Variants in KCNG2 observed in about 807,000 individuals in gnomAD.
KCNG2 encodes potassium voltage-gated channel modifier subfamily G member 2.
KCNG2 carries 7 observed loss-of-function variants against 12.3 expected under a neutral mutation model. The ratio of observed to expected loss-of-function variants is 0.57; its 90% confidence interval spans 0.32 to 1.07. The LOEUF is 1.07. Among genes scored for constraint, KCNG2 ranks in the 50% least tolerant of loss-of-function variants. KCNG2 has a pLI of 0.04. For missense variants in KCNG2, 703 were observed against 726.0 expected (o/e 0.97, Z 0.36); for synonymous variants, 414 against 351.4 (o/e 1.18, Z -1.99).
chr18:79,865,285 GGTC>G (rs1979434650), intron 3 of KCNG2, among the ~76,000 whole-genome samples: 1 of 136,602 alleles, frequency 7.3e-6, no homozygotes, highest in Admixed American at 7.4e-5. Context: ...TGTGCTGAGA[GGTC>G]TGTGTGCTGA....
At chr18:79,862,241 A>T (rs1169162124) in intron 2 of KCNG2, among the ~76,000 whole-genome samples, 2 of 151,022 alleles carry the variant, frequency 1.3e-5, no homozygotes, top group South Asian at 2.1e-4. Flanking sequence ...TGGAAATCAG[A>T]CTCTCCCCTC....
intron 1 of KCNG2, among the ~76,000 whole-genome samples, chr18:79,828,608 T>C (rs1978288101): frequency 6.6e-6 from 1 of 151,806 alleles, no homozygotes. Flanking sequence ...TGTGGATGTG[T>C]GTAACGTGTC....
intron 1 of KCNG2, among the ~76,000 whole-genome samples, chr18:79,804,017 G>A (rs560649468): frequency 3.3e-5 from 5 of 152,190 alleles, no homozygotes; most frequent in African/African-American, 9.7e-5. Context: ...TGGGGATCTT[G>A]TTCCTTATAA....
chr18:79,882,035 T>G (rs1980316931), intron 3 of KCNG2, among the ~76,000 whole-genome samples: 1 of 150,988 alleles, frequency 6.6e-6, no homozygotes, highest in Non-Finnish European at 1.5e-5. Flanking sequence ...GCCTTACGTT[T>G]TATACAAAAA....
At chr18:79,833,636 A>T (rs1213854221) in intron 1 of KCNG2, among the ~76,000 whole-genome samples, 1 of 152,274 alleles carries the variant, frequency 6.6e-6, no homozygotes, top group East Asian at 1.9e-4. Context: ...TTCAAAGAAC[A>T]AACCTTTGCT....
At chr18:79,828,289 G>A (rs554721042) in intron 1 of KCNG2, among the ~76,000 whole-genome samples, 72 of 152,370 alleles carry the variant, frequency 4.7e-4, no homozygotes, top group African/African-American at 1.6e-3. Context: ...ACATGCGTGC[G>A]TGTGCATGTG....
chr18:79,893,226 C>T (rs1980812511), intron 3 of KCNG2, among the ~76,000 whole-genome samples: 1 of 150,796 alleles, frequency 6.6e-6, no homozygotes, highest in Admixed American at 6.6e-5. Flanking sequence ...TCTAATGGTA[C>T]GATTGATATA....
chr18:79,850,227 C>T (rs1251129655), intron 1 of KCNG2, among the ~76,000 whole-genome samples: 2 of 152,336 alleles, frequency 1.3e-5, no homozygotes, highest in South Asian at 4.1e-4. Flanking sequence ...ACTCATACAG[C>T]CGAAGCCCCT....
intron 1 of KCNG2, among the ~76,000 whole-genome samples, chr18:79,818,682 AT>A (rs925704749): frequency 2.6e-5 from 4 of 152,146 alleles, no homozygotes; most frequent in African/African-American, 9.7e-5. Context: ...TGGTCTGAAG[AT>A]TTAGGATTAA....
At chr18:79,855,588 C>T (rs1464066260) in intron 1 of KCNG2, among the ~76,000 whole-genome samples, 1 of 152,000 alleles carries the variant, frequency 6.6e-6, no homozygotes, top group Admixed American at 6.6e-5. Context: ...ATGCTAGGCT[C>T]GTAGACACAC....
chr18:79,879,388 G>C lies in KCNG2; in HGVS notation c.624+15097G>C, dbSNP rs539591044. Among the ~76,000 whole-genome samples the C allele has an allele frequency of 3.3e-4, 51 of 152,320 alleles. No homozygotes were observed. The South Asian group carries it at 4.6e-3, about 14-fold the overall frequency. The stretch of plus-strand genomic sequence containing the variant: ...ATTGGGAAAGAATGGAGCCTGAAAG[G>C]ATAGACATGGGGCTTGGGGAAACAC... On this transcript the variant is annotated intron_variant, in intron 3 of 3. Transcript: ENST00000316249.
chr18:79,892,187 A>G (rs559435026), intron 3 of KCNG2, among the ~76,000 whole-genome samples: 22 of 150,998 alleles, frequency 1.5e-4, no homozygotes, highest in African/African-American at 5.1e-4. Flanking sequence ...CTCTTTCTCA[A>G]TTTCTGTTTG....
intron 1 of KCNG2, among the ~76,000 whole-genome samples, chr18:79,804,212 C>T (rs574611164): frequency 1.3e-5 from 2 of 152,346 alleles, no homozygotes; most frequent in Admixed American, 6.5e-5. Context: ...CCAAAGGCTA[C>T]AAGAATAGGG....
chr18:79,845,181 G>A (rs1978581498), intron 1 of KCNG2, among the ~76,000 whole-genome samples: 1 of 152,160 alleles, frequency 6.6e-6, no homozygotes, highest in African/African-American at 2.4e-5. Context: ...GGTTACGTAG[G>A]GTGTGGTTCA....
intron 3 of KCNG2, among the ~76,000 whole-genome samples, chr18:79,895,568 T>C (rs1015058211): frequency 1.3e-5 from 2 of 152,228 alleles, no homozygotes; most frequent in African/African-American, 4.8e-5. Context: ...ATGATTGATA[T>C]AGTTGGGTCT....
Position 79,899,400 on chromosome 18 carries a change from C to T in KCNG2, c.985C>T (p.Leu329Phe). The T allele has an allele frequency of 2.5e-6, 4 of 1,579,528 alleles. No homozygotes were observed. Among genetic ancestry groups the T allele is most frequent in the Non-Finnish European group, 3.4e-6 (4 of 1,167,742 alleles). Residue 329 changes from leucine (L) to phenylalanine (F), a missense_variant, in exon 4 of 4, where the codon CTC becomes TTC. Leu to Phe is a conservative substitution (Grantham distance 22, BLOSUM62 0). Coordinates refer to ENST00000316249, the MANE Select transcript of KCNG2 (RefSeq NM_012283.2). ...AREFGLLLLF[L>F]CVAMALFAPL... ...CGAGTTCGGGCTGCTGCTGCTGTTC[C>T]TCTGCGTGGCCATGGCGCTCTTCGC...
intron 1 of KCNG2, among the ~76,000 whole-genome samples, chr18:79,824,442 A>T (rs1475909386): frequency 6.6e-6 from 1 of 152,192 alleles, no homozygotes; most frequent in Non-Finnish European, 1.5e-5. Context: ...GTATAAGATG[A>T]TCCTATCTGC....
intron 3 of KCNG2, chr18:79,876,220 C>T (rs2123101645): frequency 6.6e-6 from 1 of 152,490 alleles, no homozygotes; most frequent in East Asian, 1.9e-4. Flanking sequence ...CAGACAGGTC[C>T]AGCCCTGCCG....
chr18:79,818,520 A>G (rs1369091162), intron 1 of KCNG2, among the ~76,000 whole-genome samples: 2 of 152,104 alleles, frequency 1.3e-5, no homozygotes, highest in African/African-American at 2.4e-5. Context: ...TGTTCCTGAG[A>G]CAGGTGATGA....
Sources: gnomAD v4.1 joint callset for allele counts (sites outside exome capture counted in the v4.1 genomes callset) on GRCh38, gnomAD v4.1.1 for gene constraint, MANE v1.5 for transcripts, NCBI Gene and HGNC (gene_info 2026-07-23, HGNC 2026-07-21) for gene names.